The following TMEM263 variants were observed in gnomAD, a reference collection of about 807,000 sequenced individuals.
TMEM263 encodes the protein transmembrane protein 263, also known as UPF0444 transmembrane protein C12orf23.
TMEM263 carries 5 observed loss-of-function variants against 8.6 expected under a neutral mutation model. The observed-to-expected ratio is 0.58, with a 90% confidence interval of 0.31 to 1.23. TMEM263 has a LOEUF of 1.23. Among genes scored for constraint, TMEM263 ranks in the 50% most tolerant of loss-of-function variants. The pLI is 0.07. For synonymous variants in TMEM263, 50 were observed against 47.9 expected, an observed-to-expected ratio of 1.04 and a Z score of -0.18; for missense variants, 104 against 138.8, an observed-to-expected ratio of 0.75 and a Z score of 1.26.
chr12:106,972,816 A>G lies in TMEM263; in HGVS notation c.*1425A>G, dbSNP rs1207918163. 1 of 149,876 alleles carries G rather than the reference A, an allele frequency of 6.7e-6. No homozygotes were observed. Among genetic ancestry groups the G allele is most frequent in the Non-Finnish European group, 1.5e-5 (1 of 67,644 alleles). 9.3% of individuals were successfully genotyped at this position (149,876 alleles called of 1,614,324 possible). The stretch of plus-strand genomic sequence containing the variant: ...TAATCCAAGCCTGGGAAAATCTTAA[A>G]TTTCTTTTTACTTAAATCTGGAAAT... On this transcript the variant is annotated 3_prime_UTR_variant, in exon 4 of 4. Coordinates refer to ENST00000280756, the MANE Select transcript of TMEM263 (RefSeq NM_152261.4).
intron 2 of TMEM263, among the ~76,000 whole-genome samples, chr12:106,959,892 A>G (rs1951747020): frequency 6.6e-6 from 1 of 152,062 alleles, no homozygotes; most frequent in Non-Finnish European, 1.5e-5. Flanking sequence ...GGAATTCAGG[A>G]AAAAAAATCT....
chr12:106,956,157 T>A, intron 1 of TMEM263, 92 bp downstream of exon 1: 1 of 637,550 alleles, frequency 1.6e-6, no homozygotes, highest in Non-Finnish European at 2.0e-6. Context: ...GCCCCTCACC[T>A]CCCAGTGCCC....
chr12:106,959,412 T>G (rs958954552), intron 2 of TMEM263: 1 of 152,140 alleles, frequency 6.6e-6, no homozygotes. Flanking sequence ...CCTGCTGATT[T>G]TTCTATTTTT....
At chr12:106,956,156 C>A in intron 1 of TMEM263, 91 bp downstream of exon 1, 1 of 641,732 alleles carries the variant, frequency 1.6e-6, no homozygotes. Context: ...TGCCCCTCAC[C>A]TCCCAGTGCC....
At chr12:106,964,876 T>G (rs1267718983) in intron 2 of TMEM263, among the ~76,000 whole-genome samples, 1 of 152,208 alleles carries the variant, frequency 6.6e-6, no homozygotes, top group South Asian at 2.1e-4. Context: ...GCCACCAACA[T>G]TTTTTGGCCT....
At chr12:106,969,725 C>T (rs1277229424) in intron 3 of TMEM263, among the ~76,000 whole-genome samples, 1 of 93,116 alleles carries the variant, frequency 1.1e-5, no homozygotes, top group Non-Finnish European at 2.3e-5. Flanking sequence ...GACTCTGTCT[C>T]AAAAAAAAAA....
intron 2 of TMEM263, among the ~76,000 whole-genome samples, chr12:106,964,396 G>A (rs761710014): frequency 6.6e-6 from 1 of 152,120 alleles, no homozygotes; most frequent in Non-Finnish European, 1.5e-5. Context: ...CCACCATCCT[G>A]TATAATTTGT....
chr12:106,961,213 G>A (rs912204254), intron 2 of TMEM263, among the ~76,000 whole-genome samples: 2 of 135,776 alleles, frequency 1.5e-5, no homozygotes. Context: ...GTGCACCACC[G>A]TGCCCAGTCA....
chr12:106,973,699 A>G lies in TMEM263; in HGVS notation c.*2308A>G, dbSNP rs1951959845. ...TGAGTCTTTTTTAGTTTACTTAGAA[A>G]GACTAGCAGTTTGACCTGTTAAACA... On this transcript the variant is annotated 3_prime_UTR_variant, in exon 4 of 4. Coordinates refer to ENST00000280756, the MANE Select transcript of TMEM263 (RefSeq NM_152261.4). The G allele has an allele frequency of 1.3e-5, 2 of 152,614 alleles. No individual in the cohort carries two copies. Among genetic ancestry groups the G allele is most frequent in the Admixed American group, 1.3e-4 (2 of 15,280 alleles). The allele number at this position is 152,614 out of a possible 1,614,324, so 9.5% of individuals were successfully genotyped here. A position where few individuals can be genotyped will look rare whatever the true frequency, so the allele number is the denominator to read the frequency against.
chr12:106,955,970 C>G lies in TMEM263; in HGVS notation c.-170C>G, dbSNP rs574878150. 3.2e-3 allele frequency: 3,115 copies of G among 986,520 alleles called. 3 individuals carry two copies. The highest frequency in any genetic ancestry group is 6.9e-3 in the South Asian group (147 of 21,308). The allele number at this position is 986,520 out of a possible 1,614,324, so 61.1% of individuals were successfully genotyped here. A position where few individuals can be genotyped will look rare whatever the true frequency, so the allele number is the denominator to read the frequency against. On this transcript the variant is annotated 5_prime_UTR_variant, in exon 1 of 4. Coordinates refer to ENST00000280756, the MANE Select transcript of TMEM263 (RefSeq NM_152261.4). Reference sequence around the variant, plus strand: ...GAGCCGCGACTGCCCGGGGTTGTGCCGGCCGCCGCTGCCGCCCAGGCCGCC... The same window carrying G: ...GAGCCGCGACTGCCCGGGGTTGTGCGGGCCGCCGCTGCCGCCCAGGCCGCC...
At chr12:106,962,686 T>C (rs1566222779) in intron 2 of TMEM263, among the ~76,000 whole-genome samples, 4 of 151,950 alleles carry the variant, frequency 2.6e-5, no homozygotes, top group Admixed American at 6.6e-5. Context: ...GCTGAACAAG[T>C]GTGGATGCCC....
At chr12:106,956,264 A>G (rs1344742626) in intron 1 of TMEM263, among the ~76,000 whole-genome samples, 199 bp downstream of exon 1, 1 of 150,658 alleles carries the variant, frequency 6.6e-6, no homozygotes, top group Non-Finnish European at 1.5e-5. Flanking sequence ...TTCTGGGGCT[A>G]CTCCTCCTTA....
At chr12:106,970,005 G>C (rs562885770) in intron 3 of TMEM263, among the ~76,000 whole-genome samples, 2 of 152,084 alleles carry the variant, frequency 1.3e-5, no homozygotes, top group South Asian at 4.1e-4. Context: ...TCTTTCATAA[G>C]AATTACTGAG....
rs374095326 is a variant in TMEM263 at position 106,971,484 on chromosome 12, C to A, written c.*93C>A. On this transcript the variant is annotated 3_prime_UTR_variant, in exon 4 of 4. Transcript: ENST00000280756. ...CTACAACCAAGTCAACTGTTTTGGA[C>A]GTTTATCTTCTAAACTGCTGTGTTG... is the stretch of plus-strand genomic sequence containing the variant. The A allele has an allele frequency of 7.8e-7, 1 of 1,285,818 alleles. No homozygotes were observed. Among genetic ancestry groups the A allele is most frequent in the Non-Finnish European group, 1.1e-6 (1 of 943,238 alleles). 79.7% of individuals were successfully genotyped at this position (1,285,818 alleles called of 1,614,324 possible).
At chr12:106,960,565 C>T (rs993516645) in intron 2 of TMEM263, among the ~76,000 whole-genome samples, 4 of 152,030 alleles carry the variant, frequency 2.6e-5, no homozygotes, top group African/African-American at 9.7e-5. Context: ...ATTTCACACT[C>T]CTCTACAGAA....
At chr12:106,968,987 T>A (rs931134837) in intron 3 of TMEM263, among the ~76,000 whole-genome samples, 2 of 152,220 alleles carry the variant, frequency 1.3e-5, no homozygotes, top group African/African-American at 4.8e-5. Flanking sequence ...TCATTAAAAA[T>A]TTGTATTAAC....
intron 2 of TMEM263, among the ~76,000 whole-genome samples, chr12:106,959,930 A>G (rs1951747401): frequency 6.6e-6 from 1 of 152,244 alleles, no homozygotes; most frequent in Non-Finnish European, 1.5e-5. Context: ...TTAATTAATT[A>G]AAAATTAGTA....
chr12:106,967,266 A>T (rs753910019), intron 3 of TMEM263, 86 bp downstream of exon 3: 15 of 925,690 alleles, frequency 1.6e-5, no homozygotes, highest in East Asian at 2.9e-5. Flanking sequence ...ATTTTATTTT[A>T]TTTTTTTTTG....
intron 2 of TMEM263, among the ~76,000 whole-genome samples, chr12:106,964,356 A>G (rs923084403): frequency 2.0e-5 from 3 of 152,196 alleles, no homozygotes; most frequent in South Asian, 2.1e-4. Context: ...CTGAGATTCA[A>G]ACTCAGGCAC....
Sources: gnomAD v4.1 joint callset for allele counts (sites outside exome capture counted in the v4.1 genomes callset) on GRCh38, gnomAD v4.1.1 for gene constraint, MANE v1.5 for transcripts, NCBI Gene and HGNC (gene_info 2026-07-23, HGNC 2026-07-21) for gene names.